Variants in P4HA3 observed in about 807,000 individuals in gnomAD.
P4HA3 encodes the protein prolyl 4-hydroxylase subunit alpha-3.
Under a neutral mutation model 66.7 loss-of-function variants are expected in P4HA3, and 60 were observed. The ratio of observed to expected loss-of-function variants is 0.90; its 90% CI spans 0.73 to 1.12. The LOEUF (loss-of-function observed/expected upper bound fraction) is 1.12. Ranked by LOEUF, P4HA3 falls within the 50% of genes most tolerant of loss-of-function variation. The pLI is 0.00. For missense variants in P4HA3, 683 were observed against 685.8 expected (o/e 1.00, Z 0.05); for synonymous variants, 263 against 274.6 (o/e 0.96, Z 0.42).
chr11:74,270,897 C>T lies in P4HA3; in HGVS notation c.1399-1177G>A, dbSNP rs1413571280. Among the ~76,000 whole-genome samples, 4 of 152,296 alleles carry T rather than the reference C, an allele frequency of 2.6e-5. No homozygotes were observed. The South Asian group carries it at 6.2e-4, about 24-fold the overall frequency. Reference sequence around the variant, plus strand: ...AACTTAATGAAAAAAAATCATTTTGCATTTTGGATTGTTTTCATAGGAAAG... The same window carrying T: ...AACTTAATGAAAAAAAATCATTTTGTATTTTGGATTGTTTTCATAGGAAAG... On this transcript the variant is annotated intron_variant, in intron 10 of 12. Transcript: ENST00000331597.
intron 3 of P4HA3, among the ~76,000 whole-genome samples, chr11:74,299,631 AT>A (rs1481053873): frequency 6.6e-6 from 1 of 151,774 alleles, no homozygotes; most frequent in African/African-American, 2.4e-5. Flanking sequence ...GACACTTTGA[AT>A]AAACTATAAA....
chr11:74,251,755 G>A (rs753029665), intron 15 of P4HA3: 2 of 1,608,910 alleles, frequency 1.2e-6, no homozygotes, highest in East Asian at 2.2e-5. Context: ...AGCAGTGCTG[G>A]CCGAATCTGA....
chr11:74,255,673 A>G (rs1039539758), intron 15 of P4HA3, among the ~76,000 whole-genome samples: 1 of 152,186 alleles, frequency 6.6e-6, no homozygotes, highest in Non-Finnish European at 1.5e-5. Context: ...ACACTGTTAC[A>G]TTGTTATAGT....
chr11:74,259,064 G>C (rs1485384068), intron 15 of P4HA3, among the ~76,000 whole-genome samples: 1 of 152,174 alleles, frequency 6.6e-6, no homozygotes, highest in Non-Finnish European at 1.5e-5. Flanking sequence ...TGGGGCCTGA[G>C]AGCAGTGGCC....
chr11:74,286,424 G>C (rs753459595), intron 5 of P4HA3, 33 bp from the exon 6 acceptor site: 4 of 1,496,768 alleles, frequency 2.7e-6, no homozygotes, highest in Non-Finnish European at 3.6e-6. Context: ...ATATAAAATA[G>C]GGATTAACAA....
chr11:74,289,145 A>AAG lies in P4HA3; in HGVS notation c.718-16_718-15insCT. 2 of 1,570,118 alleles carry AAG rather than the reference A, an allele frequency of 1.3e-6. No homozygotes were observed. Among genetic ancestry groups the AAG allele is most frequent in the Non-Finnish European group, 1.7e-6 (2 of 1,160,298 alleles). On this transcript the variant is annotated splice_polypyrimidine_tract_variant and intron_variant, in intron 4 of 12. Coordinates refer to ENST00000331597, the MANE Select transcript of P4HA3 (RefSeq NM_182904.5). The stretch of plus-strand genomic sequence containing the variant: ...ACATTTCCTGCCTGTTAAAAAAAAA[A>AAG]AAAAGAAAAGAAAGCATTAACTTCA...
chr11:74,281,832 A>C (rs1321738919), intron 7 of P4HA3, among the ~76,000 whole-genome samples: 1 of 151,388 alleles, frequency 6.6e-6, no homozygotes, highest in East Asian at 1.9e-4. Flanking sequence ...TATGTAACTA[A>C]CCTGCACAAT....
intron 1 of P4HA3, among the ~76,000 whole-genome samples, chr11:74,310,046 C>G (rs1231884555): frequency 6.6e-6 from 1 of 152,182 alleles, no homozygotes; most frequent in Non-Finnish European, 1.5e-5. Context: ...CACACACACT[C>G]ACGCAAAGTT....
chr11:74,279,468 T>C lies in P4HA3; in HGVS notation c.1111-16A>G. 2.5e-6 allele frequency: 4 copies of C among 1,613,138 alleles called. No homozygotes were observed. Among genetic ancestry groups the C allele is most frequent in the Non-Finnish European group, 3.4e-6 (4 of 1,179,104 alleles). The stretch of plus-strand genomic sequence containing the variant: ...ACCTCTGTAGCTGGTGGGAAGAATG[T>C]AAGACAAAGTCCAAGTGGTTATGAT... On this transcript the variant is annotated splice_polypyrimidine_tract_variant and intron_variant, in intron 7 of 12. Coordinates refer to ENST00000331597, the MANE Select transcript of P4HA3 (RefSeq NM_182904.5).
At chr11:74,276,693 G>A (rs1860408719) in intron 9 of P4HA3, among the ~76,000 whole-genome samples, 1 of 152,184 alleles carries the variant, frequency 6.6e-6, no homozygotes. Flanking sequence ...AGAGTTACTG[G>A]AGGAAGGACA....
chr11:74,285,717 T>C, intron 7 of P4HA3, 92 bp downstream of exon 7: 1 of 1,346,080 alleles, frequency 7.4e-7, no homozygotes, highest in Non-Finnish European at 1.0e-6. Context: ...CTTTGAGGTG[T>C]CTAGTTGTTC....
chr11:74,286,329 G>T lies in P4HA3; in HGVS notation c.832C>A (p.Pro278Thr). The part of the protein sequence containing the change: ...LKYERLLAES[P>T]NHVVAEAVIQ... ...ACAGCCTCAGCTACCACGTGGTTGG[G>T]GCTCTCTGCCAAGAGCCTTTCATAT... Residue 278 changes from proline (P) to threonine (T), a missense_variant, in exon 6 of 13, where the codon CCC becomes ACC. By Grantham distance (38) the Pro-to-Thr change is conservative. Transcript: ENST00000331597. 3 of 1,605,044 alleles carry T rather than the reference G, an allele frequency of 1.9e-6. No homozygotes were observed. The highest frequency in any genetic ancestry group is 1.1e-5 in the South Asian group (1 of 89,292).
intron 10 of P4HA3, among the ~76,000 whole-genome samples, chr11:74,270,121 A>T (rs919937972): frequency 1.3e-5 from 2 of 152,178 alleles, no homozygotes; most frequent in Non-Finnish European, 2.9e-5. Context: ...GTCATAAAAC[A>T]TTCTTAATAT....
chr11:74,306,745 C>T (rs903262441), intron 1 of P4HA3, among the ~76,000 whole-genome samples: 1 of 152,154 alleles, frequency 6.6e-6, no homozygotes, highest in Non-Finnish European at 1.5e-5. Context: ...AAATAGAAGA[C>T]GACTGCCTTG....
At chr11:74,262,502 G>A (rs1859923234), downstream of P4HA3, among the ~76,000 whole-genome samples, 1 of 152,162 alleles carries the variant, frequency 6.6e-6, no homozygotes, top group African/African-American at 2.4e-5. Flanking sequence ...AGCAGTTAGG[G>A]GAACGGGGAG....
chr11:74,276,520 G>A (rs943895111), intron 9 of P4HA3, among the ~76,000 whole-genome samples: 1 of 151,978 alleles, frequency 6.6e-6, no homozygotes, highest in Non-Finnish European at 1.5e-5. Context: ...CCACTACACT[G>A]CAGCCTGGGC....
intron 7 of P4HA3, among the ~76,000 whole-genome samples, chr11:74,279,671 C>A (rs1860522754): frequency 6.6e-6 from 1 of 152,174 alleles, no homozygotes; most frequent in African/African-American, 2.4e-5. Context: ...TGAAAATAAC[C>A]TTTAACACTG....
intron 7 of P4HA3, among the ~76,000 whole-genome samples, chr11:74,283,978 G>A (rs1169480114): frequency 6.6e-6 from 1 of 152,212 alleles, no homozygotes; most frequent in Admixed American, 6.5e-5. Flanking sequence ...GTTTCCAAGA[G>A]GAAAGAACCA....
At chr11:74,287,285 C>G in intron 5 of P4HA3, 1 of 1,289,400 alleles carries the variant, frequency 7.8e-7, no homozygotes, top group Non-Finnish European at 1.0e-6. Flanking sequence ...TAACCACAAC[C>G]ATCACCCTGG....
Sources: allele counts gnomAD v4.1 joint callset (sites outside exome capture counted in the v4.1 genomes callset), GRCh38; gene constraint gnomAD v4.1.1; transcripts MANE v1.5; gene names NCBI Gene and HGNC (gene_info 2026-07-23, HGNC 2026-07-21).